Variants in PPARGC1A observed in about 807,000 individuals in gnomAD.
PPARGC1A encodes the protein peroxisome proliferator-activated receptor gamma coactivator 1-alpha.
In PPARGC1A, 25 loss-of-function variants were observed where a neutral mutation model predicts 88.7. That is an observed-to-expected ratio of 0.28 (90% CI 0.21 to 0.39). PPARGC1A has a LOEUF of 0.39. Ranked by LOEUF, PPARGC1A falls within the 10% of genes least tolerant of loss-of-function variation. The pLI, the probability that PPARGC1A is intolerant of heterozygous loss-of-function variation, is 1.00. For synonymous variants in PPARGC1A, 363 were observed against 355.6 expected (o/e 1.02, Z -0.24); for missense variants, 880 against 968.7 (o/e 0.91, Z 1.22).
the PPARGC1A span, among the ~76,000 whole-genome samples, chr4:24,091,131 G>A: frequency 2.0e-5 from 3 of 152,228 alleles, no homozygotes; most frequent in South Asian, 2.1e-4. Context: ...TTTTTATATC[G>A]CAATGAACTT....
the PPARGC1A span, among the ~76,000 whole-genome samples, chr4:24,330,762 G>C: frequency 2.0e-5 from 3 of 152,176 alleles, no homozygotes; most frequent in Admixed American, 1.3e-4. Flanking sequence ...AGCTGGGAAG[G>C]GGTGGAGCTG....
chr4:24,234,825 C>T, the PPARGC1A span, among the ~76,000 whole-genome samples: 1 of 152,104 alleles, frequency 6.6e-6, no homozygotes, highest in South Asian at 2.1e-4. Context: ...ACTAATTGGG[C>T]AAAATGAAAC....
chr4:23,938,309 A>C, the PPARGC1A span, among the ~76,000 whole-genome samples: 1 of 152,344 alleles, frequency 6.6e-6, no homozygotes, highest in South Asian at 2.1e-4. Context: ...AGAGGCACCA[A>C]GGTACACTTC....
the PPARGC1A span, among the ~76,000 whole-genome samples, chr4:24,057,939 T>C: frequency 6.6e-6 from 1 of 152,336 alleles, no homozygotes; most frequent in East Asian, 1.9e-4. Flanking sequence ...GGAACGCATG[T>C]ATGCATTTGA....
chr4:24,374,295 T>C, the PPARGC1A span, among the ~76,000 whole-genome samples: 1 of 152,178 alleles, frequency 6.6e-6, no homozygotes. Flanking sequence ...CGAACAGTCC[T>C]ACCCTGTCAC....
chr4:24,056,033 T>TA, the PPARGC1A span, among the ~76,000 whole-genome samples: 4 of 152,152 alleles, frequency 2.6e-5, no homozygotes, highest in Non-Finnish European at 4.4e-5. Context: ...ACAGATGTTA[T>TA]AAAAAAGGTA....
chr4:24,323,597 C>T, the PPARGC1A span, among the ~76,000 whole-genome samples: 1 of 152,192 alleles, frequency 6.6e-6, no homozygotes, highest in Non-Finnish European at 1.5e-5. Flanking sequence ...ATGGCCCCAC[C>T]CCTATCTCCC....
At chr4:24,199,687 A>C in the PPARGC1A span, among the ~76,000 whole-genome samples, 2 of 152,212 alleles carry the variant, frequency 1.3e-5, no homozygotes, top group Non-Finnish European at 2.9e-5. Flanking sequence ...CTACTCAAAA[A>C]ACAAAAGTGT....
chr4:24,088,473 G>A, the PPARGC1A span, among the ~76,000 whole-genome samples: 1 of 152,164 alleles, frequency 6.6e-6, no homozygotes, highest in Admixed American at 6.5e-5. Flanking sequence ...TTGTCATAAG[G>A]CGGGTACAGG....
At chr4:24,056,122 A>G in the PPARGC1A span, among the ~76,000 whole-genome samples, 1 of 152,246 alleles carries the variant, frequency 6.6e-6, no homozygotes, top group Non-Finnish European at 1.5e-5. Context: ...CAAGCTAAGA[A>G]GTGGCAGATT....
the PPARGC1A span, among the ~76,000 whole-genome samples, chr4:24,329,176 G>A: frequency 2.0e-5 from 3 of 152,008 alleles, no homozygotes; most frequent in Admixed American, 2.0e-4. Flanking sequence ...TGCTGATTGG[G>A]GATAAATGGC....
At chr4:24,387,722 T>A in the PPARGC1A span, among the ~76,000 whole-genome samples, 1 of 106,076 alleles carries the variant, frequency 9.4e-6, no homozygotes, top group Non-Finnish European at 1.8e-5. Flanking sequence ...GGCAAAAGAG[T>A]GAGATTCCAT....
chr4:23,932,282 A>ATTACTTCCTCGC, the PPARGC1A span, among the ~76,000 whole-genome samples: 1 of 151,210 alleles, frequency 6.6e-6, no homozygotes, highest in African/African-American at 2.4e-5. Context: ...AGTGGGACTA[A>ATTACTTCCTCGC]TTAGTTCCTC....
the PPARGC1A span, among the ~76,000 whole-genome samples, chr4:24,357,011 C>T: frequency 2.0e-5 from 3 of 152,106 alleles, no homozygotes; most frequent in Non-Finnish European, 4.4e-5. Flanking sequence ...GGGAACAGCC[C>T]TCAGATAACA....
the PPARGC1A span, among the ~76,000 whole-genome samples, chr4:23,963,150 C>G: frequency 2.0e-5 from 3 of 152,156 alleles, no homozygotes; most frequent in Non-Finnish European, 4.4e-5. Flanking sequence ...CAATCAGCTT[C>G]TAAAACACAG....
the PPARGC1A span, among the ~76,000 whole-genome samples, chr4:23,982,744 A>G: frequency 6.6e-6 from 1 of 152,200 alleles, no homozygotes; most frequent in Non-Finnish European, 1.5e-5. Context: ...TTTCTCATCT[A>G]TAAAGTTGGG....
chr4:23,967,349 T>G, the PPARGC1A span, among the ~76,000 whole-genome samples: 6 of 152,168 alleles, frequency 3.9e-5, no homozygotes, highest in Non-Finnish European at 7.3e-5. Flanking sequence ...AAAATGATTC[T>G]GGGAACTACT....
the PPARGC1A span, among the ~76,000 whole-genome samples, chr4:24,345,540 G>A: frequency 6.6e-6 from 1 of 152,122 alleles, no homozygotes; most frequent in Non-Finnish European, 1.5e-5. Flanking sequence ...GTTTTTTGCA[G>A]CTATTGTAAA....
intron 1 of PPARGC1A, among the ~76,000 whole-genome samples, chr4:23,898,586 A>C (rs1577694911): frequency 1.3e-5 from 2 of 152,346 alleles, no homozygotes; most frequent in East Asian, 3.9e-4. Context: ...CACTGGCATT[A>C]CATTCACATT....
Sources: allele counts gnomAD v4.1 joint callset (sites outside exome capture counted in the v4.1 genomes callset), GRCh38; gene constraint gnomAD v4.1.1; transcripts MANE v1.5; gene names NCBI Gene and HGNC (gene_info 2026-07-23, HGNC 2026-07-21).